The following EP400 variants were observed in gnomAD, a reference collection of about 807,000 sequenced individuals.
EP400 encodes the protein E1A binding protein p400, also known as E1A-binding protein p400.
Under a neutral mutation model 354.1 loss-of-function variants are expected in EP400, and 105 were observed. That is an observed-to-expected ratio of 0.30 (90% CI 0.25 to 0.35). EP400 has a LOEUF of 0.35. Ranked by LOEUF, EP400 falls within the 10% of genes least tolerant of loss-of-function variation. The probability of loss-of-function intolerance (pLI) is 1.00; values close to 1 mark genes in which losing one functional copy is unlikely to be tolerated. For synonymous variants in EP400, 1,646 were observed against 1,716.9 expected, an observed-to-expected ratio of 0.96 and a Z score of 1.02; for missense variants, 3,280 against 4,121.0, an observed-to-expected ratio of 0.80 and a Z score of 5.59.
chr12:132,066,665 G>A (rs1216337565), intron 48 of EP400, 109 bp from the exon 49 acceptor site: 1 of 1,190,628 alleles, frequency 8.4e-7, no homozygotes, highest in Non-Finnish European at 1.2e-6. Flanking sequence ...TTTAAACTTT[G>A]TTGATCTTTG....
intron 16 of EP400, among the ~76,000 whole-genome samples, chr12:132,012,620 G>A (rs55974503): frequency 0.12 from 18,562 of 152,178 alleles, 1,537 homozygotes; most frequent in African/African-American, 0.23. Flanking sequence ...TTTTTAAAAA[G>A]TGTATAATGC....
At chr12:132,044,618 A>T in intron 35 of EP400, 53 bp from the exon 36 acceptor site, 15 of 1,608,868 alleles carry the variant, frequency 9.3e-6, no homozygotes, top group Non-Finnish European at 1.3e-5. Flanking sequence ...TTTGTGGCTT[A>T]TAACATGACA....
chr12:131,972,154 T>C (rs958343795), intron 2 of EP400, among the ~76,000 whole-genome samples: 2 of 116,778 alleles, frequency 1.7e-5, no homozygotes, highest in African/African-American at 8.5e-5. Flanking sequence ...TTCTTTTTCT[T>C]TTTCTTTTTT....
At chr12:132,036,681 T>C (rs1419749979) in intron 30 of EP400, among the ~76,000 whole-genome samples, 1 of 152,378 alleles carries the variant, frequency 6.6e-6, no homozygotes, top group East Asian at 1.9e-4. Context: ...CTCAGGGTGA[T>C]TGGAATCCAG....
At chr12:131,963,854 C>T (rs950665056) in intron 2 of EP400, among the ~76,000 whole-genome samples, 5 of 152,136 alleles carry the variant, frequency 3.3e-5, no homozygotes, top group South Asian at 2.1e-4. Context: ...TACTTTCTTT[C>T]GTATACTTGT....
intron 19 of EP400, among the ~76,000 whole-genome samples, chr12:132,016,838 CAA>C (rs1208456249): frequency 6.6e-6 from 1 of 152,190 alleles, no homozygotes; most frequent in Non-Finnish European, 1.5e-5. Context: ...CACCATCGAC[CAA>C]GTTGTTTGAG....
At position 132,028,000 on chromosome 12, in the gene EP400, A is replaced by T; in HGVS notation, c.5110-17A>T. 1 of 1,604,950 alleles carries T rather than the reference A, an allele frequency of 6.2e-7. No individual in the cohort carries two copies. Among genetic ancestry groups the T allele is most frequent in the Admixed American group, 1.7e-5 (1 of 59,540 alleles). ...TCTGTTTCTCAAGTAACTGTTTTTC[A>T]TCACTTTTTGATAAAGGAGGAAAAG... is the stretch of plus-strand genomic sequence containing the variant. On this transcript the variant is annotated splice_polypyrimidine_tract_variant and intron_variant, in intron 26 of 52. Transcript: ENST00000389561. The surrounding 1 kb of genome is among the most constrained non-coding windows in gnomAD (Gnocchi z 4.9).
At chr12:131,972,072 A>G (rs566374845) in intron 2 of EP400, among the ~76,000 whole-genome samples, 8 of 152,288 alleles carry the variant, frequency 5.3e-5, no homozygotes, top group African/African-American at 1.7e-4. Context: ...GTCTAAGAAA[A>G]TAGAAAAGAG....
At position 131,960,716 on chromosome 12, in the gene EP400, A is replaced by AC; in HGVS notation, c.97_98insC (p.Asn33ThrfsTer32). ...GGGTGAGGAGCAGCCGGCCCACCCC[A>AC]ACCCACCCCCGTCCCCCGCAGCTCC... On this transcript the variant is annotated frameshift_variant, in exon 2 of 53. Coordinates refer to ENST00000389561, the MANE Select transcript of EP400 (RefSeq NM_015409.5). LOFTEE classifies it high-confidence loss of function. 3 of 95,872 alleles carry AC rather than the reference A, an allele frequency of 3.1e-5. No homozygotes were observed. The highest frequency in any genetic ancestry group is 1.5e-4 in the African/African-American group (1 of 6,814). 5.9% of individuals were successfully genotyped at this position (95,872 alleles called of 1,614,324 possible).
chr12:131,957,969 T>C (rs1327485934), intron 1 of EP400, among the ~76,000 whole-genome samples: 8 of 152,234 alleles, frequency 5.3e-5, no homozygotes, highest in Non-Finnish European at 1.2e-4. Flanking sequence ...TTTGTTTTTA[T>C]GACATAACTT....
At chr12:132,068,988 C>A (rs1247654076) in intron 50 of EP400, 1 of 153,330 alleles carries the variant, frequency 6.5e-6, no homozygotes, top group Admixed American at 6.5e-5. Context: ...ATGTTAAAAA[C>A]CCCTATTTAC....
rs1241474144 is a variant in EP400 at position 132,062,700 on chromosome 12, C to T, written c.8333C>T (p.Pro2778Leu). The T allele has an allele frequency of 3.1e-6, 5 of 1,613,164 alleles. No homozygotes were observed. Among genetic ancestry groups the T allele is most frequent in the Non-Finnish European group, 2.5e-6 (3 of 1,179,276 alleles). Residue 2778 changes from proline to leucine, a missense_variant and splice_region_variant, in exon 47 of 53, where the codon CCG (proline) becomes CTG (leucine). By Grantham distance (98) the Pro-to-Leu change is moderately conservative (BLOSUM62 -3). Around this residue, in one of 20 missense-constraint regions of EP400, gnomAD observed 47 missense variants for 55.6 expected, o/e 0.85. Coordinates refer to ENST00000389561, the MANE Select transcript of EP400 (RefSeq NM_015409.5). ...ATCAAAGCTGTGGGCAAGCTGACGCCGGTGAGCATTTCCCAGAGGACCATG... is the reference window on the plus strand; with the variant it reads ...ATCAAAGCTGTGGGCAAGCTGACGCTGGTGAGCATTTCCCAGAGGACCATG... ...AQIKAVGKLTPEHLIKMQKQK... is the reference protein window; with the variant it reads ...AQIKAVGKLTLEHLIKMQKQK...
rs1593326470 is a variant in EP400, at chr12:131,985,525, T to G, written c.1930-989T>G. 2.6e-5 allele frequency among the ~76,000 whole-genome samples: 4 copies of G among 152,318 alleles called. No homozygotes were observed. The South Asian group carries it at 8.3e-4, about 32-fold the overall frequency. On this transcript the variant is annotated intron_variant, in intron 5 of 52. Coordinates refer to ENST00000389561, the MANE Select transcript of EP400 (RefSeq NM_015409.5). The stretch of plus-strand genomic sequence containing the variant: ...GTGTGAGCCTTCACTCAGCCCACCT[T>G]CCCTGCTCTCTGTGAATTTAAGTCA...
chr12:132,074,428 C>T (rs939545833), intron 51 of EP400, among the ~76,000 whole-genome samples: 1 of 152,144 alleles, frequency 6.6e-6, no homozygotes, highest in Non-Finnish European at 1.5e-5. Flanking sequence ...GTTACTGAGA[C>T]GTTGTCTTTG....
chr12:131,996,305 T>TG, intron 12 of EP400, among the ~76,000 whole-genome samples: 1 of 150,138 alleles, frequency 6.7e-6, no homozygotes, highest in East Asian at 1.9e-4. Flanking sequence ...CTTTTTTTTT[T>TG]TTTTTTGAGA....
intron 7 of EP400, among the ~76,000 whole-genome samples, chr12:131,988,587 T>A (rs1892934213): frequency 6.6e-6 from 1 of 152,162 alleles, no homozygotes; most frequent in Admixed American, 6.5e-5. Context: ...GAGAATTTAT[T>A]TTTCTCCTAA....
Position 132,028,222 on chromosome 12 carries a change from A to G in EP400, c.5315A>G (p.Glu1772Gly). Residue 1772 changes from glutamate to glycine, a missense_variant, in exon 27 of 53, where the codon GAA becomes GGA. Glu to Gly is a moderately conservative substitution (Grantham distance 98). Transcript: ENST00000389561. ...GPAHSYTSSSESPSELMLTLC... is the reference protein window; with the variant it reads ...GPAHSYTSSSGSPSELMLTLC... Reference sequence around the variant, plus strand: ...GCGCACAGTTACACTTCATCCTCAGAAAGTCCAAGTGAGCTGATGTTGACG... The same window carrying G: ...GCGCACAGTTACACTTCATCCTCAGGAAGTCCAAGTGAGCTGATGTTGACG... 6.2e-7 allele frequency: 1 copy of G among 1,614,152 alleles called. No homozygotes were observed. The highest frequency in any genetic ancestry group is 2.2e-5 in the East Asian group (1 of 44,878).
chr12:132,076,404 C>A, intron 51 of EP400, 112 bp from the exon 52 acceptor site: 1 of 1,055,158 alleles, frequency 9.5e-7, no homozygotes, highest in Non-Finnish European at 1.4e-6. Context: ...TCTTCTGTGT[C>A]ACCTGGTCAT....
At chr12:131,956,873 C>CTTTTTTT (rs58567170) in intron 1 of EP400, among the ~76,000 whole-genome samples, 1 of 115,404 alleles carries the variant, frequency 8.7e-6, no homozygotes, top group Non-Finnish European at 1.7e-5. Context: ...TTTTTTTGTC[C>CTTTTTTT]TTTTTTTTTT....
Sources: gnomAD v4.1 joint callset for allele counts (sites outside exome capture counted in the v4.1 genomes callset) on GRCh38, gnomAD v4.1.1 for gene constraint, gnomAD v4.1.1 regional missense constraint, Gnocchi (gnomAD v3.1) non-coding constraint, MANE v1.5 for transcripts, NCBI Gene and HGNC (gene_info 2026-07-23, HGNC 2026-07-21) for gene names.